Variants in ZNF385D observed in about 807,000 individuals in gnomAD.
ZNF385D encodes zinc finger protein 385D.
A neutral mutation model predicts 35.8 loss-of-function variants in ZNF385D; 15 were observed. That is an observed-to-expected ratio of 0.42 (90% CI 0.28 to 0.64). The LOEUF is 0.64. Ranked by LOEUF, ZNF385D falls within the 30% of genes least tolerant of loss-of-function variation. The probability of loss-of-function intolerance (pLI) is 0.23; values close to 1 mark genes in which losing one functional copy is unlikely to be tolerated. For missense variants in ZNF385D, 474 were observed against 494.6 expected (o/e 0.96, Z 0.39); for synonymous variants, 212 against 186.8 (o/e 1.13, Z -1.10).
intron 2 of ZNF385D, among the ~76,000 whole-genome samples, chr3:22,352,428 GGT>G (rs1695958425): frequency 6.6e-6 from 1 of 152,142 alleles, no homozygotes; most frequent in Non-Finnish European, 1.5e-5. Flanking sequence ...TGCATGACAC[GGT>G]GTGACTGAGG....
At chr3:21,724,477 CAAAAA>C (rs200803155) in intron 1 of ZNF385D, among the ~76,000 whole-genome samples, 6 of 52,016 alleles carry the variant, frequency 1.2e-4, no homozygotes, top group African/African-American at 9.5e-4. Flanking sequence ...AATGGAAAGC[CAAAAA>C]AAAAAAAAAA....
intron 1 of ZNF385D, among the ~76,000 whole-genome samples, chr3:21,747,185 C>A (rs1036754281): frequency 6.6e-6 from 1 of 152,134 alleles, no homozygotes; most frequent in East Asian, 1.9e-4. Flanking sequence ...CAACTAACAC[C>A]AAGGCGAACT....
chr3:21,758,987 A>ACAAAAC (rs1377467070), intron 3 of ZNF385D, among the ~76,000 whole-genome samples: 5 of 144,874 alleles, frequency 3.5e-5, no homozygotes, highest in African/African-American at 1.3e-4. Context: ...AAAAAAAAAA[A>ACAAAAC]AAAAAAAAAA....
intron 4 of ZNF385D, among the ~76,000 whole-genome samples, chr3:21,508,241 G>A (rs233159): frequency 0.16 from 24,005 of 152,012 alleles, 1,999 homozygotes; most frequent in Admixed American, 0.24. Flanking sequence ...GCATGTTTAT[G>A]TTATCTTCAA....
chr3:22,205,039 G>T (rs965432414), intron 2 of ZNF385D, among the ~76,000 whole-genome samples: 5 of 144,202 alleles, frequency 3.5e-5, no homozygotes, highest in African/African-American at 1.3e-4. Context: ...ACACCAAGCA[G>T]ATTTAACCCA....
chr3:21,454,115 T>C (rs548278145), intron 4 of ZNF385D, among the ~76,000 whole-genome samples: 5 of 152,072 alleles, frequency 3.3e-5, no homozygotes, highest in African/African-American at 1.2e-4. Context: ...ACACGTTGTA[T>C]GATTCCATTT....
At chr3:21,723,882 G>A (rs2068644964) in intron 1 of ZNF385D, among the ~76,000 whole-genome samples, 1 of 152,260 alleles carries the variant, frequency 6.6e-6, no homozygotes, top group African/African-American at 2.4e-5. Flanking sequence ...AGGAAAAAAT[G>A]TTAAGGGCAG....
intron 4 of ZNF385D, among the ~76,000 whole-genome samples, chr3:21,444,678 C>A (rs566933043): frequency 6.6e-6 from 1 of 152,268 alleles, no homozygotes; most frequent in Non-Finnish European, 1.5e-5. Context: ...TGAGCCACTG[C>A]GCCCAGCTGA....
chr3:22,286,520 T>C (rs1702032607), intron 2 of ZNF385D, among the ~76,000 whole-genome samples: 1 of 152,142 alleles, frequency 6.6e-6, no homozygotes. Flanking sequence ...TTCTTCTCTT[T>C]TGATGCTCAT....
intron 2 of ZNF385D, among the ~76,000 whole-genome samples, chr3:22,247,088 T>C (rs934935979): frequency 2.0e-5 from 3 of 152,156 alleles, no homozygotes; most frequent in Non-Finnish European, 4.4e-5. Flanking sequence ...CATTCTATTC[T>C]GTTAGATTTT....
At chr3:21,747,304 T>A (rs1249464151) in intron 1 of ZNF385D, among the ~76,000 whole-genome samples, 1 of 152,216 alleles carries the variant, frequency 6.6e-6, no homozygotes. Context: ...TGCCTCTTAA[T>A]TCTGTTTAAA....
chr3:21,603,750 A>G (rs569782576), intron 2 of ZNF385D, among the ~76,000 whole-genome samples: 2 of 152,294 alleles, frequency 1.3e-5, no homozygotes, highest in South Asian at 2.1e-4. Flanking sequence ...AGTTGATGGA[A>G]AGGTGGTGGG....
intron 1 of ZNF385D, among the ~76,000 whole-genome samples, chr3:21,716,553 G>T (rs1199174166): frequency 9.2e-5 from 14 of 152,100 alleles, no homozygotes; most frequent in African/African-American, 3.4e-4. Context: ...TGCCTGGGAT[G>T]ATGTTTTGCC....
upstream of ZNF385D, among the ~76,000 whole-genome samples, chr3:21,751,643 T>C (rs1351344594): frequency 6.6e-6 from 1 of 152,060 alleles, no homozygotes. Context: ...GTGATGTTTA[T>C]ATATAAGAGG....
intron 3 of ZNF385D, among the ~76,000 whole-genome samples, chr3:21,820,922 A>G (rs1225744815): frequency 6.6e-6 from 1 of 151,944 alleles, no homozygotes; most frequent in Non-Finnish European, 1.5e-5. Context: ...AAAGAAAACA[A>G]AAAGAAATTT....
At chr3:22,174,942 T>C (rs1694715814) in intron 2 of ZNF385D, among the ~76,000 whole-genome samples, 1 of 152,104 alleles carries the variant, frequency 6.6e-6, no homozygotes, top group East Asian at 1.9e-4. Flanking sequence ...CCCCAAATTT[T>C]ACAAAAGTTT....
rs550417287 is a variant in ZNF385D at position 22,150,114 on chromosome 3, A to G, written c.325+18703T>C. Among the ~76,000 whole-genome samples, 13 of 152,344 alleles carry G rather than the reference A, an allele frequency of 8.5e-5. 1 individual carries two copies. Among genetic ancestry groups the G allele is most frequent in the African/African-American group, 2.9e-4 (12 of 41,584 alleles). ...ATTTGCTTTTCCCAAGAATCTCATT[A>G]AATAAACAAGGCAAATAAGATAATG... On this transcript the variant is annotated intron_variant, in intron 3 of 5. Coordinates refer to the ZNF385D transcript ENST00000494108.
At chr3:22,207,868 G>T (rs1482874702) in intron 2 of ZNF385D, among the ~76,000 whole-genome samples, 2 of 151,856 alleles carry the variant, frequency 1.3e-5, no homozygotes, top group East Asian at 3.9e-4. Context: ...GCAGATCCCA[G>T]CTACAATGAG....
At chr3:21,538,177 A>AGTT (rs1235905560) in intron 3 of ZNF385D, among the ~76,000 whole-genome samples, 1 of 152,006 alleles carries the variant, frequency 6.6e-6, no homozygotes. Context: ...TGGTTTTGGA[A>AGTT]GTTTTAGGTA....
Sources: gnomAD v4.1 joint callset for allele counts (sites outside exome capture counted in the v4.1 genomes callset) on GRCh38, gnomAD v4.1.1 for gene constraint, MANE v1.5 for transcripts, NCBI Gene and HGNC (gene_info 2026-07-23, HGNC 2026-07-21) for gene names.